NF1: variants seen among roughly 807,000 people sequenced by gnomAD.
The protein encoded by NF1 is neurofibromin 1.
A neutral mutation model predicts 325.7 loss-of-function variants in NF1; 122 were observed. The observed-to-expected ratio is 0.37, with a 90% CI of 0.32 to 0.44. The LOEUF (loss-of-function observed/expected upper bound fraction) is 0.44, where lower values mean the gene tolerates loss of function less well. NF1 is among the 20% of genes least tolerant of loss of function. The pLI, the probability that NF1 is intolerant of heterozygous loss-of-function variation, is 1.00. For synonymous variants in NF1, 1,091 were observed against 1,186.0 expected, an observed-to-expected ratio of 0.92 and a Z score of 1.65; for missense variants, 2,140 against 3,415.4, an observed-to-expected ratio of 0.63 and a Z score of 9.31.
chr17:31,129,700 A>T (rs955596033), intron 1 of NF1, among the ~76,000 whole-genome samples: 16 of 152,074 alleles, frequency 1.1e-4, no homozygotes, highest in Non-Finnish European at 1.5e-4. Context: ...AAATGTTGAG[A>T]TTACAGGTGT....
At chr17:31,365,904 A>G (rs913861199) in intron 57 of NF1, among the ~76,000 whole-genome samples, 1 of 152,144 alleles carries the variant, frequency 6.6e-6, no homozygotes, top group African/African-American at 2.4e-5. Flanking sequence ...ATGTTTTTAA[A>G]CAAAACAAGT....
Position 31,362,322 on chromosome 17 carries a change from G to A in NF1, c.8377+1619G>A, listed in dbSNP as rs1382370126. The A allele has an allele frequency of 1.2e-5, 12 of 985,206 alleles. 1 individual carries two copies. Among genetic ancestry groups the A allele is most frequent in the Middle Eastern group, 1.0e-3 (2 of 1,936 alleles). The allele number at this position is 985,206 out of a possible 1,614,324, so 61.0% of individuals were successfully genotyped here. On this transcript the variant is annotated intron_variant, in intron 57 of 57. Coordinates refer to ENST00000358273, the MANE Select transcript of NF1 (RefSeq NM_001042492.3). ...CCACTGAATTCCTTCCTGCTTCCCC[G>A]CTGATAAACCTTTTAGCATTTTGGA...
rs894494159 is a variant in NF1, at chr17:31,338,581, A to G, written c.6820-123A>G. On this transcript the variant is annotated intron_variant, in intron 45 of 57. Transcript: ENST00000358273. ...AGCTAGCTACCAAGATCACCATAGCATGAGAAATCATTCTAGCATTTATTA... is the reference window on the plus strand; with the variant it reads ...AGCTAGCTACCAAGATCACCATAGCGTGAGAAATCATTCTAGCATTTATTA... The G allele has an allele frequency of 1.5e-4, 107 of 714,906 alleles. 1 individual carries two copies. The highest frequency in any genetic ancestry group is 9.0e-4 in the South Asian group (56 of 62,058). 44.3% of individuals were successfully genotyped at this position (714,906 alleles called of 1,614,324 possible).
intron 36 of NF1, among the ~76,000 whole-genome samples, chr17:31,292,344 C>T (rs933425680): frequency 8.5e-5 from 13 of 152,130 alleles, no homozygotes; most frequent in African/African-American, 3.1e-4. Flanking sequence ...TATAGTAATA[C>T]TTAGTGGCAA....
intron 47 of NF1, among the ~76,000 whole-genome samples, chr17:31,341,594 A>ATAGTGT (rs1555535280): frequency 6.9e-6 from 1 of 144,940 alleles, no homozygotes; most frequent in African/African-American, 2.6e-5. Flanking sequence ...ATATATATAA[A>ATAGTGT]GTGTGTGTGT....
intron 29 of NF1, among the ~76,000 whole-genome samples, chr17:31,248,666 C>G (rs1460117937): frequency 6.6e-6 from 1 of 152,050 alleles, no homozygotes; most frequent in Non-Finnish European, 1.5e-5. Context: ...TCCTGAGTAG[C>G]TGGGATTACA....
chr17:31,337,304 A>T, intron 42 of NF1, 64 bp from the exon 43 acceptor site: 1 of 1,320,098 alleles, frequency 7.6e-7, no homozygotes, highest in Non-Finnish European at 1.1e-6. Flanking sequence ...AAAATGAAAC[A>T]TGGAACTTTA....
intron 8 of NF1, 132 bp from the exon 9 acceptor site, chr17:31,200,290 A>C (rs2066502761): frequency 2.6e-6 from 2 of 773,494 alleles, no homozygotes; most frequent in African/African-American, 3.5e-5. Context: ...TATGAAATTG[A>C]AAACCACAAA....
chr17:31,120,047 G>T (rs528890910), intron 1 of NF1, among the ~76,000 whole-genome samples: 16 of 152,284 alleles, frequency 1.1e-4, no homozygotes, highest in African/African-American at 3.1e-4. Context: ...GTAGTGTGAT[G>T]CCTCCAGCTT....
In NF1 at chr17:31,233,032, G is replaced by T. The variant is rs1227027709; in HGVS notation, c.3527G>T (p.Arg1176Ile). The T allele has an allele frequency of 1.9e-6, 3 of 1,614,070 alleles. No individual in the cohort carries two copies. Among genetic ancestry groups the T allele is most frequent in the Non-Finnish European group, 2.5e-6 (3 of 1,180,044 alleles). ...GGTTACCACAAGGATCTCCAGACAAGAGCTACATTTATGGAAGTTCTGACA... is the reference window on the plus strand; with the variant it reads ...GGTTACCACAAGGATCTCCAGACAATAGCTACATTTATGGAAGTTCTGACA... ...GLGYHKDLQT[R>I]ATFMEVLTKI... The change falls in exon 27 of 58, where the codon AGA (arginine) becomes ATA (isoleucine). Residue 1176 changes from arginine (R) to isoleucine (I), a missense_variant. By Grantham distance (97) the Arg-to-Ile change is moderately conservative. Coordinates refer to ENST00000358273, the MANE Select transcript of NF1 (RefSeq NM_001042492.3).
In NF1 at chr17:31,114,113, C is replaced by T. The variant is rs116836592; in HGVS notation, c.60+18744C>T. 8.7e-3 allele frequency among the ~76,000 whole-genome samples: 1,319 copies of T among 152,228 alleles called. 23 individuals are homozygous for T. The highest frequency in any genetic ancestry group is 0.03 in the African/African-American group (1,236 of 41,530). On this transcript the variant is annotated intron_variant, in intron 1 of 57. Transcript: ENST00000358273. ...GAAGGAATTGATTTATAAACTTGCC[C>T]GTTTCCCTGTAATAAGGAAGAAAAT...
intron 13 of NF1, among the ~76,000 whole-genome samples, chr17:31,218,558 CT>C (rs958403603): frequency 1.3e-5 from 2 of 149,834 alleles, no homozygotes; most frequent in African/African-American, 5.0e-5. Flanking sequence ...TTCTTTCTTT[CT>C]TTTTTTTCTT....
At chr17:31,325,742 A>G in intron 36 of NF1, 78 bp from the exon 37 acceptor site, 2 of 1,054,702 alleles carry the variant, frequency 1.9e-6, no homozygotes. Flanking sequence ...GAATCATAAA[A>G]TAAAATTGAT....
intron 36 of NF1, chr17:31,297,425 C>T (rs2068490389): frequency 6.6e-6 from 1 of 152,018 alleles, no homozygotes; most frequent in Non-Finnish European, 1.5e-5. Flanking sequence ...ATCAAGCGTA[C>T]CTATATATCT....
intron 39 of NF1, among the ~76,000 whole-genome samples, chr17:31,334,105 T>G (rs2151549108): frequency 6.6e-6 from 1 of 151,952 alleles, no homozygotes; most frequent in Non-Finnish European, 1.5e-5. Context: ...GCTAACACAG[T>G]GAAACCCCGT....
intron 1 of NF1, among the ~76,000 whole-genome samples, chr17:31,113,968 A>G (rs542366474): frequency 8.5e-5 from 13 of 152,184 alleles, no homozygotes; most frequent in East Asian, 1.9e-4. Context: ...CACACTATCT[A>G]TTTCTAGGCT....
intron 36 of NF1, among the ~76,000 whole-genome samples, chr17:31,276,882 C>T (rs988546779): frequency 1.3e-5 from 2 of 152,170 alleles, no homozygotes; most frequent in African/African-American, 4.8e-5. Context: ...GGCACTGAAT[C>T]TCCACGCAAT....
intron 4 of NF1, among the ~76,000 whole-genome samples, chr17:31,166,106 C>G (rs577225191): frequency 6.6e-6 from 1 of 152,206 alleles, no homozygotes; most frequent in African/African-American, 2.4e-5. Flanking sequence ...TCCACAAATG[C>G]AGTTGATCTA....
intron 1 of NF1, among the ~76,000 whole-genome samples, chr17:31,112,042 A>C (rs1413296410): frequency 6.6e-6 from 1 of 152,178 alleles, no homozygotes; most frequent in Non-Finnish European, 1.5e-5. Flanking sequence ...CCATCACCAC[A>C]ATCAAGATGA....
Sources: gnomAD v4.1 joint callset for allele counts (sites outside exome capture counted in the v4.1 genomes callset) on GRCh38, gnomAD v4.1.1 for gene constraint, MANE v1.5 for transcripts, NCBI Gene and HGNC (gene_info 2026-07-23, HGNC 2026-07-21) for gene names.